MGAT4C: variants seen among roughly 807,000 people sequenced by gnomAD.
MGAT4C encodes alpha-1,3-mannosyl-glycoprotein 4-beta-N-acetylglucosaminyltransferase C.
A neutral mutation model predicts 40.1 loss-of-function variants in MGAT4C; 19 were observed. That is an observed-to-expected ratio of 0.47 (90% CI 0.33 to 0.70). The LOEUF is 0.70. Among genes scored for constraint, MGAT4C ranks in the 30% least tolerant of loss-of-function variants. The pLI, the probability that MGAT4C is intolerant of heterozygous loss-of-function variation, is 0.02. For synonymous variants in MGAT4C, 181 were observed against 187.1 expected, an observed-to-expected ratio of 0.97 and a Z score of 0.27; for missense variants, 491 against 563.2, an observed-to-expected ratio of 0.87 and a Z score of 1.30.
At chr12:86,017,149 C>T (rs970602144) in intron 2 of MGAT4C, among the ~76,000 whole-genome samples, 1 of 152,076 alleles carries the variant, frequency 6.6e-6, no homozygotes, top group African/African-American at 2.4e-5. Flanking sequence ...CGTATTATAT[C>T]ACTTGAGTAC....
intron 2 of MGAT4C, among the ~76,000 whole-genome samples, chr12:86,491,925 G>A (rs1267881803): frequency 6.6e-6 from 1 of 152,056 alleles, no homozygotes; most frequent in Non-Finnish European, 1.5e-5. Flanking sequence ...ATCTCCTTAA[G>A]CTGATAAGCA....
intron 2 of MGAT4C, among the ~76,000 whole-genome samples, chr12:86,724,100 ACATTTT>A (rs1389179313): frequency 6.6e-6 from 1 of 152,046 alleles, no homozygotes; most frequent in Non-Finnish European, 1.5e-5. Flanking sequence ...GTATAAAAAA[ACATTTT>A]CATAGATTTT....
At chr12:86,275,669 AGT>A (rs1248456492) in intron 4 of MGAT4C, among the ~76,000 whole-genome samples, 4 of 152,114 alleles carry the variant, frequency 2.6e-5, no homozygotes, top group African/African-American at 9.7e-5. Context: ...TAAAGCGGAG[AGT>A]GGAGTGATGC....
chr12:86,376,577 T>C (rs1955826064), intron 3 of MGAT4C, among the ~76,000 whole-genome samples: 1 of 152,076 alleles, frequency 6.6e-6, no homozygotes, highest in African/African-American at 2.4e-5. Flanking sequence ...TTATTATTTA[T>C]GGTAAATACA....
intron 2 of MGAT4C, among the ~76,000 whole-genome samples, chr12:86,657,953 CTA>C (rs1287438446): frequency 6.6e-6 from 1 of 151,824 alleles, no homozygotes; most frequent in African/African-American, 2.4e-5. Flanking sequence ...TTTAAATATT[CTA>C]TAAAGAACAT....
At chr12:86,653,419 G>A (rs947654046) in intron 2 of MGAT4C, among the ~76,000 whole-genome samples, 13 of 151,980 alleles carry the variant, frequency 8.6e-5, no homozygotes, top group African/African-American at 2.2e-4. Context: ...TAATGACAGA[G>A]CTTTATTCTA....
intron 3 of MGAT4C, among the ~76,000 whole-genome samples, chr12:86,354,699 G>A (rs1955267013): frequency 2.6e-5 from 4 of 152,192 alleles, no homozygotes; most frequent in African/African-American, 2.4e-5. Flanking sequence ...GTTTGAACTT[G>A]AATGTAAGTT....
At chr12:86,022,834 T>C (rs550749175) in intron 2 of MGAT4C, among the ~76,000 whole-genome samples, 2 of 152,214 alleles carry the variant, frequency 1.3e-5, no homozygotes, top group Admixed American at 6.5e-5. Flanking sequence ...CAGGTTATAA[T>C]AGAAACATAA....
chr12:86,042,380 G>A (rs1229025515), intron 2 of MGAT4C, among the ~76,000 whole-genome samples: 2 of 152,060 alleles, frequency 1.3e-5, no homozygotes, highest in Non-Finnish European at 1.5e-5. Context: ...ATACAAACTT[G>A]TTTGTGTAGT....
chr12:86,688,798 T>G (rs1044840655), intron 2 of MGAT4C, among the ~76,000 whole-genome samples: 5 of 152,182 alleles, frequency 3.3e-5, no homozygotes, highest in Non-Finnish European at 5.9e-5. Flanking sequence ...CAGTTCAACC[T>G]TAGTGAATCT....
intron 1 of MGAT4C, among the ~76,000 whole-genome samples, chr12:86,141,554 C>T (rs1191467840): frequency 6.6e-6 from 1 of 151,996 alleles, no homozygotes; most frequent in African/African-American, 2.4e-5. Context: ...GACAATATAC[C>T]TTACTATTGT....
intron 2 of MGAT4C, among the ~76,000 whole-genome samples, chr12:86,015,280 GA>G (rs774770224): frequency 5.3e-5 from 8 of 151,534 alleles, no homozygotes; most frequent in African/African-American, 9.7e-5. Flanking sequence ...GCTAGGAAAT[GA>G]AAAAAAGGAA....
At chr12:86,460,209 A>T (rs1395810274) in intron 2 of MGAT4C, among the ~76,000 whole-genome samples, 1 of 152,126 alleles carries the variant, frequency 6.6e-6, no homozygotes, top group Non-Finnish European at 1.5e-5. Flanking sequence ...AGTACAAAAA[A>T]AGTTGTGAGT....
intron 2 of MGAT4C, among the ~76,000 whole-genome samples, chr12:86,488,660 A>G (rs929474681): frequency 6.6e-6 from 1 of 152,140 alleles, no homozygotes; most frequent in African/African-American, 2.4e-5. Context: ...TCTAAAATCT[A>G]TGAGGAACCG....
upstream of MGAT4C, among the ~76,000 whole-genome samples, chr12:86,259,189 A>AT (rs1030651550): frequency 3.3e-5 from 5 of 151,856 alleles, 1 homozygote; most frequent in South Asian, 6.2e-4. Flanking sequence ...TTTTTTTGTG[A>AT]TTTTTTAGTG....
At chr12:86,346,522 G>A (rs61950733) in intron 3 of MGAT4C, among the ~76,000 whole-genome samples, 12,893 of 152,252 alleles carry the variant, frequency 0.085, 758 homozygotes, top group Middle Eastern at 0.22. Flanking sequence ...ACAGTGCCTG[G>A]CCCATAGTTT....
At chr12:86,023,235 CTCTT>C (rs1400121125) in intron 2 of MGAT4C, among the ~76,000 whole-genome samples, 1 of 151,978 alleles carries the variant, frequency 6.6e-6, no homozygotes, top group East Asian at 1.9e-4. Flanking sequence ...CACAAAAGTT[CTCTT>C]TATTTTGCAG....
chr12:86,698,102 G>A (rs1950291683), intron 2 of MGAT4C, among the ~76,000 whole-genome samples: 1 of 151,930 alleles, frequency 6.6e-6, no homozygotes, highest in Non-Finnish European at 1.5e-5. Context: ...TTTTTGAGTA[G>A]TATGTCTGTG....
chr12:86,505,324 C>CA (rs1463603605), intron 2 of MGAT4C, among the ~76,000 whole-genome samples: 1 of 152,132 alleles, frequency 6.6e-6, no homozygotes, highest in Non-Finnish European at 1.5e-5. Flanking sequence ...TTTCCTTTCT[C>CA]AATGCAGGAG....
Sources: gnomAD v4.1 joint callset for allele counts (sites outside exome capture counted in the v4.1 genomes callset) on GRCh38, gnomAD v4.1.1 for gene constraint, MANE v1.5 for transcripts, NCBI Gene and HGNC (gene_info 2026-07-23, HGNC 2026-07-21) for gene names.